The following CUL4A variants were observed in gnomAD, a reference collection of about 807,000 sequenced individuals.
CUL4A encodes cullin 4A.
Under a neutral mutation model 95.5 loss-of-function variants are expected in CUL4A, and 16 were observed. That is an observed-to-expected ratio of 0.17 (90% confidence interval 0.11 to 0.25). The LOEUF (loss-of-function observed/expected upper bound fraction) is 0.25. Among genes scored for constraint, CUL4A ranks in the 10% least tolerant of loss-of-function variants. The probability of loss-of-function intolerance (pLI) is 1.00; values close to 1 mark genes in which losing one functional copy is unlikely to be tolerated. For synonymous variants in CUL4A, 380 were observed against 353.1 expected (o/e 1.08, Z -0.85); for missense variants, 610 against 937.0 (o/e 0.65, Z 4.56).
chr13:113,265,744 A>G lies in CUL4A; in HGVS notation c.*2162A>G, dbSNP rs2042387292. The G allele has an allele frequency of 6.6e-6, 1 of 152,238 alleles. No individual in the cohort carries two copies. 9.4% of individuals were successfully genotyped at this position (152,238 alleles called of 1,614,324 possible). On this transcript the variant is annotated 3_prime_UTR_variant, in exon 20 of 20. Transcript: ENST00000375440. ...TCTATTTATATCTATTCTCTTATTTAGCAATATTTAATGTTTTATTGTTAA... is the reference window on the plus strand; with the variant it reads ...TCTATTTATATCTATTCTCTTATTTGGCAATATTTAATGTTTTATTGTTAA...
intron 17 of CUL4A, 71 bp downstream of exon 17, chr13:113,254,869 T>C (rs1235362477): frequency 2.5e-6 from 4 of 1,590,572 alleles, no homozygotes; most frequent in African/African-American, 1.3e-5. Context: ...AGATAAGACA[T>C]AGACTTGGTA....
rs573433035 is a variant in CUL4A at position 113,229,012 on chromosome 13, C to CA, written c.439-433dup. On this transcript the variant is annotated intron_variant, in intron 4 of 19. Transcript: ENST00000375440. Reference sequence around the variant, plus strand: ...GTGGGGTGGTGGGCGCCTGTAGTCCCAGCTACTCGGGAGGCTGAGGCAGGA... The same window carrying CA: ...GTGGGGTGGTGGGCGCCTGTAGTCCCAAGCTACTCGGGAGGCTGAGGCAGGA... Among the ~76,000 whole-genome samples the CA allele has an allele frequency of 9.2e-5, 14 of 151,904 alleles. No individual in the cohort carries two copies. The East Asian group carries it at 2.5e-3, about 27-fold the overall frequency.
chr13:113,221,090 T>G (rs2040880077), intron 3 of CUL4A, among the ~76,000 whole-genome samples: 1 of 143,604 alleles, frequency 7.0e-6, no homozygotes, highest in Non-Finnish European at 1.6e-5. Flanking sequence ...ATGGGGAGGA[T>G]GCGCCCTCCT....
chr13:113,234,699 G>A (rs965397302), intron 7 of CUL4A, among the ~76,000 whole-genome samples: 1 of 152,194 alleles, frequency 6.6e-6, no homozygotes, highest in African/African-American at 2.4e-5. Context: ...TGACCCAGCT[G>A]TGCGGGGCAG....
At chr13:113,229,977 A>G (rs1390747334) in intron 5 of CUL4A, 2 of 328,530 alleles carry the variant, frequency 6.1e-6, no homozygotes, top group Non-Finnish European at 1.1e-5. Flanking sequence ...GGGACTGTAT[A>G]CACCAGGGGT....
At chr13:113,208,735 C>T, upstream of CUL4A, 3 of 1,489,142 alleles carry the variant, frequency 2.0e-6, no homozygotes, top group South Asian at 2.5e-5. Flanking sequence ...CGCCCCCGGC[C>T]CCGCCGCGGG....
At chr13:113,260,918 T>TA (rs767933485) in intron 19 of CUL4A, among the ~76,000 whole-genome samples, 159 bp downstream of exon 19, 49 of 152,354 alleles carry the variant, frequency 3.2e-4, no homozygotes, top group Middle Eastern at 3.4e-3. Flanking sequence ...AAGCTCTTTA[T>TA]TCCAGGTGTT....
chr13:113,235,284 G>T, intron 8 of CUL4A, 139 bp downstream of exon 8: 2 of 605,350 alleles, frequency 3.3e-6, no homozygotes, highest in South Asian at 2.3e-5. Context: ...ATTTTACTTT[G>T]TTATTTGTCA....
intron 15 of CUL4A, among the ~76,000 whole-genome samples, chr13:113,248,428 C>T (rs1180027139): frequency 6.6e-6 from 1 of 152,132 alleles, no homozygotes; most frequent in African/African-American, 2.4e-5. Context: ...GTCTGTGAGC[C>T]ACCCTTAACA....
At chr13:113,216,761 CA>C (rs1480802091) in intron 2 of CUL4A, among the ~76,000 whole-genome samples, 3 of 152,086 alleles carry the variant, frequency 2.0e-5, no homozygotes, top group Non-Finnish European at 4.4e-5. Flanking sequence ...TATAACAGCA[CA>C]AAAAAGTCTT....
chr13:113,242,596 C>T (rs2041747879), intron 10 of CUL4A, among the ~76,000 whole-genome samples: 1 of 152,006 alleles, frequency 6.6e-6, no homozygotes, highest in Non-Finnish European at 1.5e-5. Context: ...TCGAGACCAG[C>T]CTGGGCAACA....
At chr13:113,242,637 T>G (rs1473212609) in intron 10 of CUL4A, among the ~76,000 whole-genome samples, 1 of 152,012 alleles carries the variant, frequency 6.6e-6, no homozygotes, top group Non-Finnish European at 1.5e-5. Flanking sequence ...TTTAAAAAGA[T>G]GGGCCAGATG....
intron 2 of CUL4A, 43 bp downstream of exon 2, chr13:113,210,131 G>A (rs1019033242): frequency 5.2e-6 from 7 of 1,351,960 alleles, no homozygotes; most frequent in Non-Finnish European, 5.8e-6. Flanking sequence ...CCTGCCCCGC[G>A]TGACGCAGAC....
At chr13:113,244,141 T>G (rs1268040754) in intron 11 of CUL4A, 1 of 324,766 alleles carries the variant, frequency 3.1e-6, no homozygotes. Flanking sequence ...TGAAGTCATT[T>G]TATTTTGAAA....
rs757714902 is a variant in CUL4A at position 113,219,020 on chromosome 13, G to A, written c.340G>A (p.Val114Ile). The A allele has an allele frequency of 1.1e-5, 17 of 1,611,950 alleles. No individual in the cohort carries two copies. Among genetic ancestry groups the A allele is most frequent in the Middle Eastern group, 1.6e-4 (1 of 6,078 alleles). ...ACTGCGTCAGGCCTGTGAAGACCAC[G>A]TCCAGGCACAGATCCTTCCGTTTAG... ...KQLRQACEDH[V>I]QAQILPFRED... The change falls in exon 3 of 20, where the codon GTC becomes ATC. Residue 114 changes from valine (V) to isoleucine (I), a missense_variant. By Grantham distance (29) the Val-to-Ile change is conservative. Around this residue, in one of 10 missense-constraint regions of CUL4A, gnomAD observed 168 missense variants for 185.5 expected, o/e 0.91. Coordinates refer to ENST00000375440, the MANE Select transcript of CUL4A (RefSeq NM_001008895.4).
At position 113,209,955 on chromosome 13, in the gene CUL4A, T is replaced by C; in HGVS notation, c.149-18T>C. 1.3e-6 allele frequency: 2 copies of C among 1,481,982 alleles called. No homozygotes were observed. The highest frequency in any genetic ancestry group is 1.8e-6 in the Non-Finnish European group (2 of 1,117,194). The allele number at this position is 1,481,982 out of a possible 1,614,324, so 91.8% of individuals were successfully genotyped here. On this transcript the variant is annotated intron_variant, in intron 1 of 19. Transcript: ENST00000375440. ...TCGCGGCGCGCCCTGAGCCGCCCGCTCTCCCTCCGCCCTGCAGACAGACCT... is the reference window on the plus strand; with the variant it reads ...TCGCGGCGCGCCCTGAGCCGCCCGCCCTCCCTCCGCCCTGCAGACAGACCT...
At chr13:113,208,978 C>A, upstream of CUL4A, 9 of 1,082,734 alleles carry the variant, frequency 8.3e-6, no homozygotes, top group Non-Finnish European at 1.0e-5. Context: ...CTTGTGAAAA[C>A]CAGGCCGCGG....
intron 8 of CUL4A, among the ~76,000 whole-genome samples, 183 bp from the exon 9 acceptor site, chr13:113,236,640 G>GCTT (rs2041554606): frequency 6.6e-6 from 1 of 152,140 alleles, no homozygotes; most frequent in Admixed American, 6.5e-5. Context: ...TTTAGAAAGG[G>GCTT]CTTCCTTCAG....
chr13:113,259,478 G>C (rs893875859), intron 18 of CUL4A, among the ~76,000 whole-genome samples: 5 of 152,154 alleles, frequency 3.3e-5, no homozygotes, highest in Non-Finnish European at 7.4e-5. Flanking sequence ...AGTATTTGCT[G>C]TTTGTTTCTG....
Sources: gnomAD v4.1 joint callset for allele counts (sites outside exome capture counted in the v4.1 genomes callset) on GRCh38, gnomAD v4.1.1 for gene constraint, gnomAD v4.1.1 regional missense constraint, MANE v1.5 for transcripts, NCBI Gene and HGNC (gene_info 2026-07-23, HGNC 2026-07-21) for gene names.